The following TMPRSS7 variants were observed in gnomAD, a reference collection of about 807,000 sequenced individuals.
The protein encoded by TMPRSS7 is transmembrane serine protease 7.
In TMPRSS7, 81 loss-of-function variants were observed where a neutral mutation model predicts 95.6. That is an observed-to-expected ratio of 0.85 (90% confidence interval 0.71 to 1.02). TMPRSS7 has a LOEUF of 1.02. Among genes scored for constraint, TMPRSS7 ranks in the 50% least tolerant of loss-of-function variants. TMPRSS7 has a pLI of 0.00. For synonymous variants in TMPRSS7, 364 were observed against 337.8 expected (o/e 1.08, Z -0.85); for missense variants, 945 against 955.2 (o/e 0.99, Z 0.14).
intron 17 of TMPRSS7, 43 bp from the exon 18 acceptor site, chr3:112,080,871 A>T: frequency 6.4e-7 from 1 of 1,566,342 alleles, no homozygotes; most frequent in Non-Finnish European, 8.7e-7. Flanking sequence ...ACTGATGATC[A>T]TGGGACCAAT....
At chr3:112,080,567 A>G (rs2073766793) in intron 17 of TMPRSS7, among the ~76,000 whole-genome samples, 1 of 66,232 alleles carries the variant, frequency 1.5e-5, no homozygotes, top group African/African-American at 4.1e-5. Flanking sequence ...TACTACTACT[A>G]CTATTACCAC....
Position 112,043,268 on chromosome 3 carries a change from A to G in TMPRSS7, c.430-987A>G, listed in dbSNP as rs1688285. On this transcript the variant is annotated intron_variant, in intron 3 of 17. Transcript: ENST00000452346. ...GTTACTGTACTGAACAGTGTAGGCA[A>G]TTGTAACACAAATCACTAGATGATA... Among the ~76,000 whole-genome samples the G allele has an allele frequency of 3.0e-3, 451 of 152,308 alleles. 2 individuals carry two copies. The highest frequency in any genetic ancestry group is 0.01 in the African/African-American group (427 of 41,580).
intron 13 of TMPRSS7, among the ~76,000 whole-genome samples, chr3:112,068,917 G>A (rs993596197): frequency 6.6e-6 from 1 of 152,144 alleles, no homozygotes; most frequent in East Asian, 1.9e-4. Context: ...CAAAGGGAAT[G>A]CTTCCAATTT....
At chr3:112,070,477 G>C (rs113173499) in intron 13 of TMPRSS7, among the ~76,000 whole-genome samples, 4,556 of 152,220 alleles carry the variant, frequency 0.03, 192 homozygotes, top group African/African-American at 0.088. Flanking sequence ...CTCTTTGTAG[G>C]TCTCTAAAGA....
intron 3 of TMPRSS7, among the ~76,000 whole-genome samples, chr3:112,044,016 T>C (rs1477415451): frequency 6.6e-6 from 1 of 152,222 alleles, no homozygotes; most frequent in Non-Finnish European, 1.5e-5. Context: ...AAGAGAGCAA[T>C]AAATGACTTT....
chr3:112,077,221 C>G, intron 16 of TMPRSS7, 77 bp downstream of exon 16: 1 of 1,512,282 alleles, frequency 6.6e-7, no homozygotes, highest in South Asian at 1.3e-5. Context: ...TTAGGGTTCA[C>G]AGAGAGGGTT....
At chr3:112,061,472 A>T (rs1434830990) in intron 10 of TMPRSS7, among the ~76,000 whole-genome samples, 1 of 152,200 alleles carries the variant, frequency 6.6e-6, no homozygotes. Flanking sequence ...CTTACATTAC[A>T]CAGGTTTTCA....
At chr3:112,066,627 C>A in intron 13 of TMPRSS7, 125 bp downstream of exon 13, 1 of 799,886 alleles carries the variant, frequency 1.3e-6, no homozygotes, top group East Asian at 2.8e-5. Context: ...GGAACTTCTC[C>A]AGTTTTAGCA....
In TMPRSS7 at chr3:112,066,213, T is replaced by A. The variant is rs340147; in HGVS notation, c.1556-179T>A. On this transcript the variant is annotated intron_variant, in intron 12 of 17. Transcript: ENST00000452346. ...CAGATCTGACAAAACGTGCTAGAAA[T>A]CACACCAAAGTTTAAACACCTACTT... 2.9e-3 allele frequency among the ~76,000 whole-genome samples: 443 copies of A among 152,304 alleles called. 2 individuals are homozygous for A. Among genetic ancestry groups the A allele is most frequent in the African/African-American group, 0.01 (422 of 41,578 alleles).
At chr3:112,078,900 T>G (rs1316885126) in intron 17 of TMPRSS7, 22 bp downstream of exon 17, 1 of 1,610,058 alleles carries the variant, frequency 6.2e-7, no homozygotes, top group African/African-American at 1.3e-5. Flanking sequence ...TACCTTTCCC[T>G]TGCCTAACAT....
chr3:112,056,948 A>T, intron 9 of TMPRSS7, 77 bp from the exon 10 acceptor site: 1 of 1,068,130 alleles, frequency 9.4e-7, no homozygotes, highest in Non-Finnish European at 1.4e-6. Context: ...ATGGCCTTAA[A>T]ACAACAAGCC....
At chr3:112,049,697 A>G in intron 7 of TMPRSS7, 147 bp from the exon 8 acceptor site, 1 of 571,072 alleles carries the variant, frequency 1.8e-6, no homozygotes, top group Non-Finnish European at 2.8e-6. Context: ...CTACTAATGG[A>G]TGAGGATCTG....
chr3:112,079,726 TA>T (rs2073755384), intron 17 of TMPRSS7, among the ~76,000 whole-genome samples: 2 of 152,216 alleles, frequency 1.3e-5, no homozygotes, highest in Admixed American at 1.3e-4. Context: ...AAACTCATCC[TA>T]TAATAATGAC....
In TMPRSS7 at chr3:112,070,156, C is replaced by G. The variant is rs570328951; in HGVS notation, c.1666+3654C>G. 3.9e-5 allele frequency among the ~76,000 whole-genome samples: 6 copies of G among 152,178 alleles called. No individual in the cohort carries two copies. The South Asian group carries it at 6.2e-4, about 16-fold the overall frequency. ...TGCAGTTTTGAATGAGTTTTTTAATCCTGAGATTTAATTTGATTGCACTGT... is the reference window on the plus strand; with the variant it reads ...TGCAGTTTTGAATGAGTTTTTTAATGCTGAGATTTAATTTGATTGCACTGT... On this transcript the variant is annotated intron_variant, in intron 13 of 17. Coordinates refer to ENST00000452346, the Ensembl canonical transcript of TMPRSS7.
intron 1 of TMPRSS7, among the ~76,000 whole-genome samples, chr3:112,037,831 A>G (rs894003659): frequency 8.5e-5 from 13 of 152,228 alleles, no homozygotes; most frequent in Non-Finnish European, 1.2e-4. Flanking sequence ...GGTTCCCCCA[A>G]TAGAAACCAT....
At chr3:112,050,731 C>T in exon 9 of TMPRSS7, 1 of 1,604,672 alleles carries the variant, frequency 6.2e-7, no homozygotes, top group Non-Finnish European at 8.5e-7. Flanking sequence ...ATTTCAAGCC[C>T]ATATTACCCG....
chr3:112,066,243 T>G, intron 12 of TMPRSS7, 149 bp from the exon 13 acceptor site: 1 of 598,592 alleles, frequency 1.7e-6, no homozygotes. Context: ...CTACTTTTCC[T>G]CATGGAAGTG....
chr3:112,041,120 T>TA (rs1256003944), intron 2 of TMPRSS7, among the ~76,000 whole-genome samples: 1 of 143,570 alleles, frequency 7.0e-6, no homozygotes, highest in Non-Finnish European at 1.5e-5. Context: ...CTGATAAAAA[T>TA]AAAAAAACCA....
chr3:112,054,729 C>CTTTTTTTTTTTTTTTTTTTTTT lies in TMPRSS7; in HGVS notation c.1204-2288_1204-2267dup, dbSNP rs1161735611. On this transcript the variant is annotated intron_variant, in intron 9 of 17. Coordinates refer to ENST00000452346, the Ensembl canonical transcript of TMPRSS7. ...AACATATTTACTATCTCTCAGTTTG[C>CTTTTTTTTTTTTTTTTTTTTTT]TTTTTTTTTTTTTTTTTTTTTTTTT... Among the ~76,000 whole-genome samples, 15 of 49,026 alleles carry CTTTTTTTTTTTTTTTTTTTTTT rather than the reference C, an allele frequency of 3.1e-4. 6 individuals carry two copies. The highest frequency in any genetic ancestry group is 4.6e-4 in the African/African-American group (6 of 13,020). The allele number at this position is 49,026 out of a possible 152,430, so 32.2% of individuals were successfully genotyped here.
Sources: allele counts gnomAD v4.1 joint callset (sites outside exome capture counted in the v4.1 genomes callset), GRCh38; gene constraint gnomAD v4.1.1; transcripts MANE v1.5; gene names NCBI Gene and HGNC (gene_info 2026-07-23, HGNC 2026-07-21).